The following TOX3 variants were observed in gnomAD, a reference collection of about 807,000 sequenced individuals.
TOX3 encodes TOX high mobility group box family member 3, also known as CAG trinucleotide repeat-containing gene F9 protein.
TOX3 carries 22 observed loss-of-function variants against 64.3 expected under a neutral mutation model. That is an observed-to-expected ratio of 0.34 (90% CI 0.24 to 0.49). TOX3 has a LOEUF of 0.49. Among genes scored for constraint, TOX3 ranks in the 20% least tolerant of loss-of-function variants. The pLI, the probability that TOX3 is intolerant of heterozygous loss-of-function variation, is 0.99. For missense variants in TOX3, 661 were observed against 714.4 expected (o/e 0.93, Z 0.85); for synonymous variants, 291 against 273.6 (o/e 1.06, Z -0.63).
intron 1 of TOX3, chr16:52,519,491 A>T: frequency 6.4e-7 from 1 of 1,551,328 alleles, no homozygotes. Context: ...CCTCCACTAC[A>T]TCTTCTATGA....
intron 1 of TOX3, among the ~76,000 whole-genome samples, chr16:52,518,398 G>A (rs1962512018): frequency 6.6e-6 from 1 of 152,126 alleles, no homozygotes; most frequent in Admixed American, 6.5e-5. Flanking sequence ...ATACCCATGG[G>A]AGAAATAGAT....
At chr16:52,523,257 G>A (rs1962650035) in intron 1 of TOX3, among the ~76,000 whole-genome samples, 1 of 152,156 alleles carries the variant, frequency 6.6e-6, no homozygotes, top group Non-Finnish European at 1.5e-5. Context: ...CCTTGAGGTG[G>A]GCGTGTGCCA....
chr16:52,437,837 T>C lies in TOX3; in HGVS notation c.*1388A>G, dbSNP rs75695286. ...AAGACAATTACACAAATATTTCCAA[T>C]GCGTTGTTTTGGTTTTTTCAAGGAT... On this transcript the variant is annotated 3_prime_UTR_variant, in exon 7 of 7. Coordinates refer to ENST00000219746, the MANE Select transcript of TOX3 (RefSeq NM_001080430.4). 0.025 allele frequency among the ~76,000 whole-genome samples: 3,635 copies of C among 148,238 alleles called. 138 individuals are homozygous for C. The highest frequency in any genetic ancestry group is 0.085 in the African/African-American group (3,423 of 40,298).
intron 1 of TOX3, among the ~76,000 whole-genome samples, chr16:52,509,952 T>C (rs1339006367): frequency 6.6e-6 from 1 of 151,958 alleles, no homozygotes; most frequent in Non-Finnish European, 1.5e-5. Flanking sequence ...AAGAGATGAG[T>C]CTAAAAGGCC....
intron 1 of TOX3, among the ~76,000 whole-genome samples, chr16:52,484,635 A>G (rs1283043466): frequency 6.6e-6 from 1 of 152,164 alleles, no homozygotes; most frequent in Non-Finnish European, 1.5e-5. Context: ...TAAGGTAGTG[A>G]AAAAACATTA....
chr16:52,476,525 G>A (rs1401953577), intron 1 of TOX3, among the ~76,000 whole-genome samples: 1 of 151,598 alleles, frequency 6.6e-6, no homozygotes, highest in African/African-American at 2.4e-5. Context: ...AGCAAAAATG[G>A]GGCCATCTTT....
chr16:52,487,878 G>C (rs1961573320), intron 1 of TOX3, among the ~76,000 whole-genome samples: 1 of 152,172 alleles, frequency 6.6e-6, no homozygotes, highest in South Asian at 2.1e-4. Flanking sequence ...ATTTAAGTCT[G>C]TGATTTTTGG....
chr16:52,517,836 C>G (rs1962498022), intron 1 of TOX3, among the ~76,000 whole-genome samples: 1 of 152,192 alleles, frequency 6.6e-6, no homozygotes, highest in African/African-American at 2.4e-5. Context: ...TTTAGTCCAT[C>G]TCTGATCTCT....
At chr16:52,513,220 C>G (rs934033851) in intron 1 of TOX3, among the ~76,000 whole-genome samples, 5 of 152,186 alleles carry the variant, frequency 3.3e-5, no homozygotes, top group Non-Finnish European at 7.4e-5. Context: ...GCTTCTCATG[C>G]CCTCTGAGAG....
chr16:52,526,116 C>A (rs1180228377), intron 1 of TOX3, among the ~76,000 whole-genome samples: 1 of 152,116 alleles, frequency 6.6e-6, no homozygotes, highest in African/African-American at 2.4e-5. Flanking sequence ...TTAATTACCC[C>A]AGAACAATCT....
At chr16:52,508,822 T>C (rs983064852) in intron 1 of TOX3, among the ~76,000 whole-genome samples, 2 of 152,130 alleles carry the variant, frequency 1.3e-5, no homozygotes, top group African/African-American at 4.8e-5. Flanking sequence ...TATTTAAACA[T>C]GCTCATAATT....
intron 1 of TOX3, among the ~76,000 whole-genome samples, chr16:52,546,094 AC>A (rs1963175299): frequency 6.6e-6 from 1 of 152,066 alleles, no homozygotes; most frequent in South Asian, 2.1e-4. Flanking sequence ...AGCAAAGGCC[AC>A]CTGCGGGGTC....
At chr16:52,461,692 A>G (rs1960696680) in intron 3 of TOX3, among the ~76,000 whole-genome samples, 1 of 152,156 alleles carries the variant, frequency 6.6e-6, no homozygotes, top group Admixed American at 6.5e-5. Flanking sequence ...TCTTACTTGC[A>G]TAAGGTATGA....
intron 1 of TOX3, among the ~76,000 whole-genome samples, chr16:52,537,773 G>A (rs1379483494): frequency 6.6e-6 from 1 of 150,792 alleles, no homozygotes. Flanking sequence ...GCTGAAACAT[G>A]CAAGAAAGAA....
At chr16:52,444,490 T>C (rs1457031383) in intron 5 of TOX3, 134 bp from the exon 6 acceptor site, 1 of 519,166 alleles carries the variant, frequency 1.9e-6, no homozygotes, top group Non-Finnish European at 3.3e-6. Context: ...TTTTTAAATG[T>C]TAGCGCATGC....
At chr16:52,487,796 A>G (rs1961571501) in intron 1 of TOX3, among the ~76,000 whole-genome samples, 1 of 152,232 alleles carries the variant, frequency 6.6e-6, no homozygotes, top group Non-Finnish European at 1.5e-5. Flanking sequence ...ATTGTTCAAC[A>G]TAATTTGGTT....
chr16:52,476,322 C>T (rs1961205560), intron 1 of TOX3, among the ~76,000 whole-genome samples: 1 of 152,140 alleles, frequency 6.6e-6, no homozygotes, highest in Admixed American at 6.6e-5. Flanking sequence ...ATGATCTGGA[C>T]ACATTTGAGT....
At chr16:52,444,504 C>CAA in intron 5 of TOX3, 148 bp from the exon 6 acceptor site, 1 of 416,896 alleles carries the variant, frequency 2.4e-6, no homozygotes. Flanking sequence ...CGCATGCACA[C>CAA]ACACACACAC....
chr16:52,448,792 G>A (rs752599557), intron 4 of TOX3, among the ~76,000 whole-genome samples: 6 of 150,782 alleles, frequency 4.0e-5, no homozygotes, highest in Non-Finnish European at 8.8e-5. Flanking sequence ...TCTCATCCAC[G>A]TGCTGATGGT....
Sources: gnomAD v4.1 joint callset for allele counts (sites outside exome capture counted in the v4.1 genomes callset) on GRCh38, gnomAD v4.1.1 for gene constraint, MANE v1.5 for transcripts, NCBI Gene and HGNC (gene_info 2026-07-23, HGNC 2026-07-21) for gene names.